The following HPSE2 variants were observed in gnomAD, a reference collection of about 807,000 sequenced individuals.
HPSE2 encodes the protein heparanase 2 (inactive), also known as inactive heparanase-2.
A neutral mutation model predicts 60.5 loss-of-function variants in HPSE2; 38 were observed. The observed-to-expected ratio is 0.63, with a 90% CI of 0.48 to 0.82. The LOEUF is 0.82. Among genes scored for constraint, HPSE2 ranks in the 40% least tolerant of loss-of-function variants. HPSE2 has a pLI of 0.00. For missense variants in HPSE2, 713 were observed against 740.4 expected, an observed-to-expected ratio of 0.96 and a Z score of 0.43; for synonymous variants, 295 against 293.2, an observed-to-expected ratio of 1.01 and a Z score of -0.06.
the HPSE2 span, among the ~76,000 whole-genome samples, chr10:99,308,379 C>CAAAAAAAAAAAAAAAAAAAA: frequency 1.1e-4 from 3 of 28,122 alleles, 1 homozygote; most frequent in African/African-American, 2.8e-4. Context: ...GACTCTGTCT[C>CAAAAAAAAAAAAAAAAAAAA]AAAAAAAAAA....
chr10:98,530,718 A>G (rs1591320892), intron 9 of HPSE2, among the ~76,000 whole-genome samples: 2 of 152,244 alleles, frequency 1.3e-5, no homozygotes, highest in Non-Finnish European at 2.9e-5. Flanking sequence ...TGTAGTGTAT[A>G]CACAGCATCC....
At chr10:98,522,414 G>A (rs1190530044) in intron 9 of HPSE2, among the ~76,000 whole-genome samples, 2 of 152,030 alleles carry the variant, frequency 1.3e-5, no homozygotes, top group South Asian at 2.1e-4. Flanking sequence ...GGCAGTTCCC[G>A]GGGGGCGGGG....
rs538621195 is a variant in HPSE2, at chr10:98,935,871, A to T, written c.611-191815T>A. Reference sequence around the variant, plus strand: ...GCCAATCTTTTCAGAGCCAAGAGGCAAGAAAGATCAGGTCTGCTGAACCTG... The same window carrying T: ...GCCAATCTTTTCAGAGCCAAGAGGCTAGAAAGATCAGGTCTGCTGAACCTG... On this transcript the variant is annotated intron_variant, in intron 3 of 11. Transcript: ENST00000370552. 7.5e-4 allele frequency among the ~76,000 whole-genome samples: 109 copies of T among 144,992 alleles called. 8 individuals are homozygous for T. Among genetic ancestry groups the T allele is most frequent in the Non-Finnish European group, 1.3e-3 (90 of 67,246 alleles).
chr10:98,936,113 GCCTAC>G (rs1954782376), intron 3 of HPSE2, among the ~76,000 whole-genome samples: 2 of 144,452 alleles, frequency 1.4e-5, no homozygotes, highest in Non-Finnish European at 3.0e-5. Flanking sequence ...GGGGAAAACT[GCCTAC>G]TAAAGCCACA....
intron 3 of HPSE2, chr10:99,047,664 A>C: frequency 9.1e-6 from 7 of 768,224 alleles, no homozygotes; most frequent in South Asian, 1.4e-5. Flanking sequence ...GAGAAGAAGA[A>C]GACGGTTCCT....
At chr10:99,049,086 A>C (rs1957930199) in intron 3 of HPSE2, among the ~76,000 whole-genome samples, 1 of 152,150 alleles carries the variant, frequency 6.6e-6, no homozygotes, top group African/African-American at 2.4e-5. Context: ...TAGAGGAGGG[A>C]AGAACGGAGA....
In HPSE2 at chr10:99,127,846, C is replaced by T. The variant is rs142518559; in HGVS notation, c.610+16392G>A. Among the ~76,000 whole-genome samples, 32 of 152,304 alleles carry T rather than the reference C, an allele frequency of 2.1e-4. No homozygotes were observed. The East Asian group carries it at 6.0e-3, about 28-fold the overall frequency. Reference sequence around the variant, plus strand: ...GGATTGGAGTATTATCTTTAGCCTCCTGAAACAAAATAATTGTCAGCCAAC... The same window carrying T: ...GGATTGGAGTATTATCTTTAGCCTCTTGAAACAAAATAATTGTCAGCCAAC... On this transcript the variant is annotated intron_variant, in intron 3 of 11. Coordinates refer to ENST00000370552, the MANE Select transcript of HPSE2 (RefSeq NM_021828.5).
intron 9 of HPSE2, among the ~76,000 whole-genome samples, chr10:98,508,632 G>A (rs963354727): frequency 5.9e-5 from 9 of 152,200 alleles, no homozygotes; most frequent in Non-Finnish European, 1.2e-4. Context: ...CTCTATGAGA[G>A]CAGACATTAG....
intron 3 of HPSE2, among the ~76,000 whole-genome samples, chr10:99,066,374 T>C (rs948928762): frequency 6.6e-6 from 1 of 151,622 alleles, no homozygotes; most frequent in Non-Finnish European, 1.5e-5. Flanking sequence ...AAAGGAAGAG[T>C]AAACTCAACC....
At chr10:98,651,834 G>A (rs1946925397) in intron 6 of HPSE2, among the ~76,000 whole-genome samples, 1 of 150,768 alleles carries the variant, frequency 6.6e-6, no homozygotes, top group African/African-American at 2.4e-5. Flanking sequence ...GTGCAGTGGT[G>A]TGATTTTGGC....
the HPSE2 span, among the ~76,000 whole-genome samples, chr10:99,244,405 T>TATC: frequency 6.9e-6 from 1 of 144,972 alleles, no homozygotes; most frequent in South Asian, 2.2e-4. Flanking sequence ...TTATTATTAT[T>TATC]ATTATTATTA....
chr10:99,152,053 C>A (rs1421278378), intron 2 of HPSE2, among the ~76,000 whole-genome samples: 1 of 151,910 alleles, frequency 6.6e-6, no homozygotes, highest in Non-Finnish European at 1.5e-5. Context: ...GTGGCTCATG[C>A]CTGTAATTCC....
chr10:99,135,200 C>CA (rs1488147680), intron 3 of HPSE2, among the ~76,000 whole-genome samples: 3 of 115,744 alleles, frequency 2.6e-5, no homozygotes, highest in Non-Finnish European at 6.4e-5. Flanking sequence ...AATACAAGAA[C>CA]ACTCAGCAAG....
intron 3 of HPSE2, among the ~76,000 whole-genome samples, chr10:98,830,317 T>C (rs1039522806): frequency 1.3e-5 from 2 of 151,258 alleles, no homozygotes; most frequent in African/African-American, 4.9e-5. Flanking sequence ...AGAAGAGGGG[T>C]AGGGAGAGGA....
chr10:98,490,010 G>A, intron 10 of HPSE2, 41 bp downstream of exon 10: 1 of 1,611,988 alleles, frequency 6.2e-7, no homozygotes, highest in Non-Finnish European at 8.5e-7. Context: ...TGGGGTGGGA[G>A]CCCCTCAGGT....
chr10:99,025,077 T>G (rs1211898120), intron 3 of HPSE2, among the ~76,000 whole-genome samples: 1 of 152,108 alleles, frequency 6.6e-6, no homozygotes, highest in East Asian at 1.9e-4. Context: ...GTAGAAAAAC[T>G]AAACAATGAA....
intron 3 of HPSE2, among the ~76,000 whole-genome samples, chr10:98,918,606 A>G (rs1954191551): frequency 6.9e-6 from 1 of 144,740 alleles, no homozygotes; most frequent in Admixed American, 7.1e-5. Context: ...GCATGTTCTC[A>G]CTCATAGATG....
At chr10:98,827,706 TGTG>T (rs924548820) in intron 3 of HPSE2, among the ~76,000 whole-genome samples, 2 of 152,202 alleles carry the variant, frequency 1.3e-5, no homozygotes, top group African/African-American at 4.8e-5. Context: ...TATTTTGTCA[TGTG>T]GTAAAAATTC....
chr10:99,259,867 C>A, the HPSE2 span, among the ~76,000 whole-genome samples: 75,036 of 151,976 alleles, frequency 0.49, 21,703 homozygotes, highest in Non-Finnish European at 0.64. Flanking sequence ...GTGAACTGTG[C>A]ATGTGCAGGA....
Sources: gnomAD v4.1 joint callset for allele counts (sites outside exome capture counted in the v4.1 genomes callset) on GRCh38, gnomAD v4.1.1 for gene constraint, MANE v1.5 for transcripts, NCBI Gene and HGNC (gene_info 2026-07-23, HGNC 2026-07-21) for gene names.